The following CWC27 variants were observed in gnomAD, a reference collection of about 807,000 sequenced individuals.
CWC27 encodes the protein CWC27 spliceosome associated cyclophilin.
CWC27 carries 47 observed loss-of-function variants against 63.6 expected under a neutral mutation model. That is an observed-to-expected ratio of 0.74 (90% CI 0.58 to 0.94). The LOEUF (loss-of-function observed/expected upper bound fraction) is 0.94. Ranked by LOEUF, CWC27 falls within the 40% of genes least tolerant of loss-of-function variation. The probability of loss-of-function intolerance (pLI) is 0.00; values close to 1 mark genes in which losing one functional copy is unlikely to be tolerated. For missense variants in CWC27, 495 were observed against 554.3 expected (o/e 0.89, Z 1.07); for synonymous variants, 175 against 179.8 (o/e 0.97, Z 0.22).
intron 11 of CWC27, among the ~76,000 whole-genome samples, chr5:64,902,886 AT>A: frequency 6.6e-6 from 1 of 152,304 alleles, no homozygotes; most frequent in East Asian, 1.9e-4. Context: ...GTCATCTTTA[AT>A]TTCCCTGAGC....
At chr5:64,795,027 A>C (rs748196566) in intron 7 of CWC27, among the ~76,000 whole-genome samples, 7 of 152,164 alleles carry the variant, frequency 4.6e-5, no homozygotes, top group Non-Finnish European at 1.0e-4. Flanking sequence ...TTTACTTCAA[A>C]TCCAGAGTTA....
At chr5:65,018,064 G>A in intron 13 of CWC27, 95 bp from the exon 14 acceptor site, 1 of 1,139,378 alleles carries the variant, frequency 8.8e-7, no homozygotes, top group Non-Finnish European at 1.2e-6. Flanking sequence ...TGTTCTGTAT[G>A]CTTATGTTTC....
chr5:64,781,568 A>G (rs1359215772), intron 2 of CWC27, among the ~76,000 whole-genome samples: 1 of 152,176 alleles, frequency 6.6e-6, no homozygotes, highest in Non-Finnish European at 1.5e-5. Flanking sequence ...TGCCAGTAGT[A>G]TCCCCCATTT....
chr5:64,835,022 T>A (rs979612222), intron 10 of CWC27, among the ~76,000 whole-genome samples: 1 of 151,788 alleles, frequency 6.6e-6, no homozygotes, highest in African/African-American at 2.4e-5. Context: ...TAGAAACACA[T>A]CTTTTAAAAT....
intron 10 of CWC27, among the ~76,000 whole-genome samples, chr5:64,805,934 T>C (rs993267733): frequency 2.6e-5 from 4 of 152,180 alleles, no homozygotes; most frequent in East Asian, 1.9e-4. Flanking sequence ...AAACATGGCA[T>C]TGATAGCTAG....
chr5:64,802,361 C>T (rs1744517052), intron 9 of CWC27, among the ~76,000 whole-genome samples: 1 of 152,122 alleles, frequency 6.6e-6, no homozygotes, highest in African/African-American at 2.4e-5. Flanking sequence ...GGTGTGGTGA[C>T]AGGCCAGAGC....
intron 11 of CWC27, among the ~76,000 whole-genome samples, chr5:64,910,450 A>G (rs979744528): frequency 6.6e-6 from 1 of 152,162 alleles, no homozygotes; most frequent in Non-Finnish European, 1.5e-5. Context: ...CAGAGCTCAA[A>G]CACCATGCTG....
At chr5:64,849,678 C>T (rs1045216241) in intron 10 of CWC27, among the ~76,000 whole-genome samples, 1 of 148,104 alleles carries the variant, frequency 6.8e-6, no homozygotes, top group African/African-American at 2.5e-5. Flanking sequence ...AATTGTAATT[C>T]CCCCATGTCA....
At chr5:64,961,297 A>G (rs1317694544) in intron 11 of CWC27, among the ~76,000 whole-genome samples, 2 of 152,186 alleles carry the variant, frequency 1.3e-5, no homozygotes, top group African/African-American at 2.4e-5. Flanking sequence ...TGCTTCATCT[A>G]TCAACAGGAA....
At chr5:64,817,726 T>C (rs1297561165) in intron 10 of CWC27, among the ~76,000 whole-genome samples, 2 of 152,162 alleles carry the variant, frequency 1.3e-5, no homozygotes, top group Non-Finnish European at 2.9e-5. Context: ...ATATTTGATC[T>C]CTCCTCCCTC....
Position 64,879,903 on chromosome 5 carries a change from A to G in CWC27, c.939-5540A>G, listed in dbSNP as rs547611089. Among the ~76,000 whole-genome samples the G allele has an allele frequency of 5.3e-5, 8 of 152,030 alleles. No individual in the cohort carries two copies. The East Asian group carries it at 1.5e-3, about 29-fold the overall frequency. ...TACCCCAGATCCTTTTCTCAGCTCT[A>G]TCTTTCATTACTAGTTACCTTGCCC... On this transcript the variant is annotated intron_variant, in intron 10 of 13. Coordinates refer to ENST00000381070, the MANE Select transcript of CWC27 (RefSeq NM_005869.4).
At position 64,773,624 on chromosome 5, in the gene CWC27, A is replaced by G. The variant is rs947928925; in HGVS notation, c.43-1067A>G. On this transcript the variant is annotated intron_variant, in intron 1 of 13. Transcript: ENST00000381070. ...CATTCTAAAAGATTGTGATGGTCAC[A>G]AATTATTGACACTGATCTACTTTGG... 5.3e-5 allele frequency among the ~76,000 whole-genome samples: 8 copies of G among 152,358 alleles called. No homozygotes were observed. In the East Asian group the frequency reaches 7.7e-4, roughly 15 times the overall value.
chr5:64,959,262 A>C (rs1031086509), intron 11 of CWC27, among the ~76,000 whole-genome samples: 2 of 152,288 alleles, frequency 1.3e-5, no homozygotes, highest in Middle Eastern at 3.4e-3. Context: ...AACAACTTTC[A>C]AGTATCTTTA....
At chr5:64,913,447 A>T (rs549055861) in intron 11 of CWC27, among the ~76,000 whole-genome samples, 5 of 152,202 alleles carry the variant, frequency 3.3e-5, no homozygotes, top group Admixed American at 3.3e-4. Flanking sequence ...GCTCAGGTAC[A>T]ATTATGTACA....
chr5:64,920,739 A>G (rs1166453933), intron 11 of CWC27, among the ~76,000 whole-genome samples: 1 of 152,180 alleles, frequency 6.6e-6, no homozygotes, highest in Non-Finnish European at 1.5e-5. Flanking sequence ...GTTTGTGTCC[A>G]TAGAGGTGTC....
intron 11 of CWC27, among the ~76,000 whole-genome samples, chr5:64,887,623 A>AGT (rs1006922305): frequency 1.9e-4 from 29 of 152,126 alleles, no homozygotes; most frequent in Non-Finnish European, 2.2e-4. Context: ...CTGCCTCAGC[A>AGT]GTGTCAGAAT....
chr5:64,998,531 T>C (rs1749678113), intron 13 of CWC27, among the ~76,000 whole-genome samples: 1 of 152,140 alleles, frequency 6.6e-6, no homozygotes, highest in South Asian at 2.1e-4. Context: ...ACTCCAACAA[T>C]ACTAAATATT....
chr5:64,881,107 T>G (rs1340422898), intron 10 of CWC27, among the ~76,000 whole-genome samples: 1 of 152,084 alleles, frequency 6.6e-6, no homozygotes, highest in African/African-American at 2.4e-5. Flanking sequence ...TTTAAAAACT[T>G]GCACTTCGTT....
chr5:64,937,545 G>A (rs1748382373), intron 11 of CWC27, among the ~76,000 whole-genome samples: 1 of 152,160 alleles, frequency 6.6e-6, no homozygotes, highest in South Asian at 2.1e-4. Flanking sequence ...AGTGTGATGT[G>A]GTGCTGAGAA....
Sources: gnomAD v4.1 joint callset for allele counts (sites outside exome capture counted in the v4.1 genomes callset) on GRCh38, gnomAD v4.1.1 for gene constraint, MANE v1.5 for transcripts, NCBI Gene and HGNC (gene_info 2026-07-23, HGNC 2026-07-21) for gene names.